The following CELSR1 variants were observed in gnomAD, a reference collection of about 807,000 sequenced individuals.
CELSR1 encodes cadherin EGF LAG seven-pass G-type receptor 1, also known as adhesion G protein-coupled receptor C1.
Under a neutral mutation model 249.1 loss-of-function variants are expected in CELSR1, and 110 were observed. That is an observed-to-expected ratio of 0.44 (90% CI 0.38 to 0.52). The LOEUF (loss-of-function observed/expected upper bound fraction) is 0.52, where lower values mean the gene tolerates loss of function less well. Ranked by LOEUF, CELSR1 falls within the 20% of genes least tolerant of loss-of-function variation. The probability of loss-of-function intolerance (pLI) is 0.00; values close to 1 mark genes in which losing one functional copy is unlikely to be tolerated. For missense variants in CELSR1, 4,109 were observed against 4,296.4 expected, an observed-to-expected ratio of 0.96 and a Z score of 1.22; for synonymous variants, 2,113 against 1,900.0, an observed-to-expected ratio of 1.11 and a Z score of -2.92.
chr22:46,364,949 A>G (rs2078750585), intron 32 of CELSR1, among the ~76,000 whole-genome samples: 1 of 152,150 alleles, frequency 6.6e-6, no homozygotes, highest in African/African-American at 2.4e-5. Flanking sequence ...ACCAGTAACT[A>G]TACAGGCTAA....
chr22:46,366,865 G>C, intron 29 of CELSR1, 128 bp downstream of exon 29: 1 of 1,326,662 alleles, frequency 7.5e-7, no homozygotes, highest in Admixed American at 2.7e-5. Flanking sequence ...TGCACCGCGG[G>C]CGGCTCTGCC....
chr22:46,482,200 G>A (rs2080273419), intron 1 of CELSR1, among the ~76,000 whole-genome samples: 1 of 152,234 alleles, frequency 6.6e-6, no homozygotes, highest in Non-Finnish European at 1.5e-5. Flanking sequence ...TGGCACAGGG[G>A]CACGGCCGCT....
At position 46,513,914 on chromosome 22, in the gene CELSR1, C is replaced by G. The variant is rs923163403; in HGVS notation, c.3544+19713G>C. On this transcript the variant is annotated intron_variant, in intron 1 of 34. Transcript: ENST00000674500. ...TTCACGCCATTCTCCTGCCTCAGCC[C>G]CCCCCGAGTAGCTGGGACTACAGGT... 2.6e-5 allele frequency among the ~76,000 whole-genome samples: 4 copies of G among 151,928 alleles called. No individual in the cohort carries two copies. The East Asian group carries it at 7.7e-4, about 29-fold the overall frequency.
At chr22:46,532,557 A>G (rs2080802558) in intron 1 of CELSR1, among the ~76,000 whole-genome samples, 1 of 152,222 alleles carries the variant, frequency 6.6e-6, no homozygotes, top group African/African-American at 2.4e-5. Flanking sequence ...TAATTATTCC[A>G]GGGCTCCTGT....
rs771435504 is a variant in CELSR1 at position 46,390,102 on chromosome 22, G to C, written c.6345+290C>G. On this transcript the variant is annotated intron_variant, in intron 17 of 34. Coordinates refer to ENST00000674500, the MANE Select transcript of CELSR1 (RefSeq NM_001378328.1). This position sits in a 1 kb window ranked among gnomAD's most constrained non-coding sequence, Gnocchi z 6.3. ...AAAGCCATGAAATAGGGCAGGATCA[G>C]AGGGCAAATGGAGTCAAATGCAGGG... Among the ~76,000 whole-genome samples, 1 of 152,236 alleles carries C rather than the reference G, an allele frequency of 6.6e-6. No homozygotes were observed. The highest frequency in any genetic ancestry group is 1.5e-5 in the Non-Finnish European group (1 of 68,042).
At chr22:46,463,245 G>A (rs2080052863) in intron 2 of CELSR1, among the ~76,000 whole-genome samples, 8 of 152,344 alleles carry the variant, frequency 5.3e-5, no homozygotes, top group Admixed American at 4.6e-4. Flanking sequence ...GCCGGACACG[G>A]TGGCTCACGC....
At chr22:46,462,163 T>C (rs1378861090) in intron 2 of CELSR1, among the ~76,000 whole-genome samples, 1 of 152,180 alleles carries the variant, frequency 6.6e-6, no homozygotes, top group African/African-American at 2.4e-5. Context: ...GAATTTAGGA[T>C]TAGCATTCAG....
At position 46,526,903 on chromosome 22, in the gene CELSR1, C is replaced by T. The variant is rs1373132027; in HGVS notation, c.3544+6724G>A. ...CCACACGGGGCCAAAAATGGCCTCA[C>T]GTCTTCTCACCAAAGCCGATTCCCG... is the stretch of plus-strand genomic sequence containing the variant. On this transcript the variant is annotated intron_variant, in intron 1 of 34. Transcript: ENST00000674500. The surrounding 1 kb of genome is among the most constrained non-coding windows in gnomAD (Gnocchi z 4.7). 1.3e-5 allele frequency among the ~76,000 whole-genome samples: 2 copies of T among 152,322 alleles called. No homozygotes were observed. The highest frequency in any genetic ancestry group is 1.9e-4 in the East Asian group (1 of 5,176).
At chr22:46,451,136 C>G (rs914756180) in intron 2 of CELSR1, among the ~76,000 whole-genome samples, 2 of 152,168 alleles carry the variant, frequency 1.3e-5, no homozygotes, top group Non-Finnish European at 2.9e-5. Context: ...GTTTGACTTT[C>G]TCACCTCCTG....
intron 2 of CELSR1, among the ~76,000 whole-genome samples, chr22:46,449,866 A>AC (rs2079862286): frequency 6.6e-6 from 1 of 152,060 alleles, no homozygotes; most frequent in Admixed American, 6.6e-5. Flanking sequence ...AGCCCTTTCC[A>AC]CCCCATCAGA....
chr22:46,422,318 G>C (rs531779058), intron 5 of CELSR1, among the ~76,000 whole-genome samples: 1 of 152,000 alleles, frequency 6.6e-6, no homozygotes, highest in East Asian at 2.0e-4. Flanking sequence ...AGGTTGGCCA[G>C]GCTGGTTTTG....
In CELSR1 at chr22:46,433,556, GA is replaced by G; in HGVS notation, c.4523-76del. The G allele has an allele frequency of 8.6e-7, 1 of 1,162,280 alleles. No individual in the cohort carries two copies. The highest frequency in any genetic ancestry group is 1.3e-6 in the Non-Finnish European group (1 of 794,024). The allele number at this position is 1,162,280 out of a possible 1,614,324, so 72.0% of individuals were successfully genotyped here. On this transcript the variant is annotated intron_variant, in intron 4 of 34. Transcript: ENST00000674500. This position sits in a 1 kb window ranked among gnomAD's most constrained non-coding sequence, Gnocchi z 5.7. Reference sequence around the variant, plus strand: ...TACTGGGGACCGAGGATTGCGCTGTGAGGCATCAGGGGGAGACAGGTGCACA... The same window carrying G: ...TACTGGGGACCGAGGATTGCGCTGTGGGCATCAGGGGGAGACAGGTGCACA...
At position 46,373,202 on chromosome 22, in the gene CELSR1, G is replaced by A. The variant is rs115702294; in HGVS notation, c.7585-145C>T. On this transcript the variant is annotated intron_variant, in intron 24 of 34. Coordinates refer to ENST00000674500, the MANE Select transcript of CELSR1 (RefSeq NM_001378328.1). ...TCAGCTGAGCAGGGCTACATGTCTG[G>A]CCAATGGCTGAGAGCCAGGAATTGA... The A allele has an allele frequency of 3.8e-3, 3,398 of 884,350 alleles. 67 individuals carry two copies. The African/African-American group carries it at 0.046, about 12-fold the overall frequency. The allele number at this position is 884,350 out of a possible 1,614,324, so 54.8% of individuals were successfully genotyped here. A position where few individuals can be genotyped will look rare whatever the true frequency, so the allele number is the denominator to read the frequency against.
rs1018053754 is a variant in CELSR1 at position 46,490,350 on chromosome 22, A to G, written c.3545-26005T>C. On this transcript the variant is annotated intron_variant, in intron 1 of 34. Transcript: ENST00000674500. This position sits in a 1 kb window ranked among gnomAD's most constrained non-coding sequence, Gnocchi z 5.2. ...CACCCAGGCTGGAGTACAGCGGCGC[A>G]ATCTTGGCTCACTCCAACCTCCGCC... is the stretch of plus-strand genomic sequence containing the variant. Among the ~76,000 whole-genome samples the G allele has an allele frequency of 6.6e-6, 1 of 152,056 alleles. No homozygotes were observed. Among genetic ancestry groups the G allele is most frequent in the Non-Finnish European group, 1.5e-5 (1 of 68,014 alleles).
chr22:46,436,191 T>G lies in CELSR1; in HGVS notation c.4505A>C (p.Gln1502Pro). ...GGCCCCACCTGCAGAGAAGGTGAGCTGCACCTGCTCGTCCACGATCTCCAG... is the reference window on the plus strand; with the variant it reads ...GGCCCCACCTGCAGAGAAGGTGAGCGGCACCTGCTCGTCCACGATCTCCAG... ...IALEIVDEQV[Q>P]LTFSAGETTT... is the part of the protein sequence containing the mutation. The change falls in exon 4 of 35, where the codon CAG becomes CCG. Residue 1502 changes from glutamine (Q) to proline (P), a missense_variant. By Grantham distance (76) the Gln-to-Pro change is moderately conservative. Coordinates refer to ENST00000674500, the MANE Select transcript of CELSR1 (RefSeq NM_001378328.1). This position sits in a 1 kb window ranked among gnomAD's most constrained non-coding sequence, Gnocchi z 5.9. 1 of 1,609,078 alleles carries G rather than the reference T, an allele frequency of 6.2e-7. No homozygotes were observed. The highest frequency in any genetic ancestry group is 8.5e-7 in the Non-Finnish European group (1 of 1,175,604).
chr22:46,535,499 C>T lies in CELSR1; in HGVS notation c.1672G>A (p.Val558Ile), dbSNP rs750975444. Residue 558 changes from valine to isoleucine, a missense_variant, in exon 1 of 35, where the codon GTC becomes ATC. Val to Ile is a conservative substitution (Grantham distance 29, BLOSUM62 3). Coordinates refer to ENST00000674500, the MANE Select transcript of CELSR1 (RefSeq NM_001378328.1). ...SGVVSVQVLDVNDNEPIFVSS... is the reference protein window; with the variant it reads ...SGVVSVQVLDINDNEPIFVSS... ...ACAAAGATAGGCTCGTTGTCGTTGA[C>T]ATCCAGCACCTGCACAGACACCACC... is the stretch of plus-strand genomic sequence containing the variant. 6 of 1,612,594 alleles carry T rather than the reference C, an allele frequency of 3.7e-6. No homozygotes were observed. The highest frequency in any genetic ancestry group is 1.3e-5 in the African/African-American group (1 of 74,946).
rs1218945565 is a variant in CELSR1 at position 46,374,447 on chromosome 22, G to A, written c.7585-1390C>T. Reference sequence around the variant, plus strand: ...TAATAAATCATTTCAGCCTGCCAGCGCTCTGAGAGATGAAAAACCTCGCCC... The same window carrying A: ...TAATAAATCATTTCAGCCTGCCAGCACTCTGAGAGATGAAAAACCTCGCCC... On this transcript the variant is annotated intron_variant, in intron 24 of 34. Transcript: ENST00000674500. This position sits in a 1 kb window ranked among gnomAD's most constrained non-coding sequence, Gnocchi z 4.3. Among the ~76,000 whole-genome samples the A allele has an allele frequency of 6.6e-6, 1 of 152,302 alleles. No homozygotes were observed.
rs910816201 is a variant in CELSR1, at chr22:46,399,229, A to C, written c.5412+488T>G. On this transcript the variant is annotated intron_variant, in intron 10 of 34. Coordinates refer to ENST00000674500, the MANE Select transcript of CELSR1 (RefSeq NM_001378328.1). The surrounding 1 kb of genome is among the most constrained non-coding windows in gnomAD (Gnocchi z 5.0). Reference sequence around the variant, plus strand: ...AACCTAGTTTGGTTAAGTGTTCCGAACATTGTCTGGGATACCACCACCTGC... The same window carrying C: ...AACCTAGTTTGGTTAAGTGTTCCGACCATTGTCTGGGATACCACCACCTGC... 3.3e-5 allele frequency among the ~76,000 whole-genome samples: 5 copies of C among 152,138 alleles called. No individual in the cohort carries two copies. The highest frequency in any genetic ancestry group is 1.2e-4 in the African/African-American group (5 of 41,428).
intron 1 of CELSR1, among the ~76,000 whole-genome samples, chr22:46,507,250 C>T (rs2080523985): frequency 6.6e-6 from 1 of 152,156 alleles, no homozygotes; most frequent in African/African-American, 2.4e-5. Context: ...CAACCCCAAG[C>T]ACCCCAGAGA....
Sources: gnomAD v4.1 joint callset for allele counts (sites outside exome capture counted in the v4.1 genomes callset) on GRCh38, gnomAD v4.1.1 for gene constraint, Gnocchi (gnomAD v3.1) non-coding constraint, MANE v1.5 for transcripts, NCBI Gene and HGNC (gene_info 2026-07-23, HGNC 2026-07-21) for gene names.